SLC16A12: variants seen among roughly 807,000 people sequenced by gnomAD.
The protein encoded by SLC16A12 is monocarboxylate transporter 12.
In SLC16A12, 17 loss-of-function variants were observed where a neutral mutation model predicts 42.4. That is an observed-to-expected ratio of 0.40 (90% CI 0.27 to 0.60). The LOEUF is 0.60. Ranked by LOEUF, SLC16A12 falls within the 20% of genes least tolerant of loss-of-function variation. The pLI, the probability that SLC16A12 is intolerant of heterozygous loss-of-function variation, is 0.42. For synonymous variants in SLC16A12, 224 were observed against 229.4 expected, an observed-to-expected ratio of 0.98 and a Z score of 0.21; for missense variants, 544 against 623.0, an observed-to-expected ratio of 0.87 and a Z score of 1.35.
intron 6 of SLC16A12, among the ~76,000 whole-genome samples, chr10:89,438,287 G>A (rs1392580778): frequency 6.6e-6 from 1 of 152,188 alleles, no homozygotes; most frequent in Non-Finnish European, 1.5e-5. Flanking sequence ...ACATTTCAGT[G>A]TGCATAAAGT....
At chr10:89,462,654 T>C in intron 2 of SLC16A12, 30 bp from the exon 3 acceptor site, 1 of 1,514,244 alleles carries the variant, frequency 6.6e-7, no homozygotes, top group Non-Finnish European at 8.8e-7. Context: ...CATATTTATA[T>C]CTTATTGCTA....
chr10:89,521,353 A>G (rs1380593664), intron 2 of SLC16A12, among the ~76,000 whole-genome samples: 1 of 152,234 alleles, frequency 6.6e-6, no homozygotes, highest in Non-Finnish European at 1.5e-5. Context: ...TAGTACACAT[A>G]TTCTGTCACA....
intron 2 of SLC16A12, among the ~76,000 whole-genome samples, chr10:89,513,801 G>A (rs1249006924): frequency 6.6e-6 from 1 of 152,198 alleles, no homozygotes. Flanking sequence ...CCAGGAGTAT[G>A]TGGTTAAATG....
At chr10:89,501,761 A>T (rs1333317231) in intron 2 of SLC16A12, among the ~76,000 whole-genome samples, 1 of 152,120 alleles carries the variant, frequency 6.6e-6, no homozygotes, top group Non-Finnish European at 1.5e-5. Flanking sequence ...AAAAATAATA[A>T]TAATAATAAA....
At chr10:89,505,006 A>C (rs1843038174) in intron 2 of SLC16A12, among the ~76,000 whole-genome samples, 1 of 152,184 alleles carries the variant, frequency 6.6e-6, no homozygotes, top group African/African-American at 2.4e-5. Flanking sequence ...GGGGGTTGCC[A>C]TCAACCTCTG....
intron 2 of SLC16A12, among the ~76,000 whole-genome samples, chr10:89,496,805 G>A (rs1842927902): frequency 6.6e-6 from 1 of 152,034 alleles, no homozygotes; most frequent in Non-Finnish European, 1.5e-5. Flanking sequence ...TTCAAAAGAC[G>A]TTATTAAGAC....
At chr10:89,450,093 T>C (rs527488536) in intron 3 of SLC16A12, among the ~76,000 whole-genome samples, 2 of 152,278 alleles carry the variant, frequency 1.3e-5, no homozygotes, top group South Asian at 4.1e-4. Context: ...TGGCCATCAT[T>C]AAAAAGTCAG....
intron 2 of SLC16A12, among the ~76,000 whole-genome samples, chr10:89,496,210 GA>G (rs1186429224): frequency 1.3e-5 from 2 of 151,648 alleles, no homozygotes; most frequent in African/African-American, 4.8e-5. Flanking sequence ...GGACATGAAA[GA>G]AAAATTCAAA....
intron 2 of SLC16A12, among the ~76,000 whole-genome samples, chr10:89,493,384 G>A (rs898435238): frequency 7.2e-5 from 11 of 152,060 alleles, no homozygotes; most frequent in Admixed American, 4.6e-4. Flanking sequence ...CACTATGCCC[G>A]GCTAATTTTT....
chr10:89,524,098 G>A (rs1011408803), intron 2 of SLC16A12, among the ~76,000 whole-genome samples: 6 of 151,982 alleles, frequency 3.9e-5, no homozygotes, highest in South Asian at 4.1e-4. Flanking sequence ...TTTCTACCAC[G>A]CATTTCTACC....
intron 2 of SLC16A12, among the ~76,000 whole-genome samples, chr10:89,513,840 G>T (rs558985820): frequency 6.6e-6 from 1 of 152,144 alleles, no homozygotes; most frequent in South Asian, 2.1e-4. Context: ...TTTCTGGAAA[G>T]GTCCTATATT....
At chr10:89,515,953 G>A (rs971561421) in intron 2 of SLC16A12, among the ~76,000 whole-genome samples, 8 of 152,164 alleles carry the variant, frequency 5.3e-5, no homozygotes, top group African/African-American at 1.9e-4. Flanking sequence ...CATTTGGCAA[G>A]TTATATCATC....
In SLC16A12 at chr10:89,460,463, G is replaced by A. The variant is rs566181573; in HGVS notation, c.200+1916C>T. 2.0e-4 allele frequency among the ~76,000 whole-genome samples: 26 copies of A among 132,194 alleles called. 1 individual carries two copies. In the South Asian group the frequency reaches 4.3e-3, roughly 22 times the overall value. The allele number at this position is 132,194 out of a possible 152,430, so 86.7% of individuals were successfully genotyped here. ...ACTTTGGCAGGGCACAGTGGCTCAC[G>A]TCTGTAATCCCAGCACTTTGGAGGC... is the stretch of plus-strand genomic sequence containing the variant. On this transcript the variant is annotated intron_variant, in intron 3 of 7. Transcript: ENST00000371790.
rs867214366 is a variant in SLC16A12, at chr10:89,497,738, A to G, written c.-46-35114T>C. ...ATTAATAGGGGTAGAGATCAGAAAG[A>G]GGAAAAAAAAACCCAACATGATTTC... On this transcript the variant is annotated intron_variant, in intron 2 of 7. Coordinates refer to ENST00000371790, the MANE Select transcript of SLC16A12 (RefSeq NM_213606.4). Among the ~76,000 whole-genome samples the G allele has an allele frequency of 8.6e-5, 9 of 104,118 alleles. No homozygotes were observed. The East Asian group carries it at 1.6e-3, about 19-fold the overall frequency. 68.3% of individuals were successfully genotyped at this position (104,118 alleles called of 152,430 possible).
chr10:89,446,607 A>G (rs1284352880), intron 3 of SLC16A12, among the ~76,000 whole-genome samples: 1 of 152,208 alleles, frequency 6.6e-6, no homozygotes, highest in African/African-American at 2.4e-5. Flanking sequence ...TCCTGAAGGA[A>G]GCACTAAACG....
At chr10:89,510,413 G>T (rs1034376855) in intron 2 of SLC16A12, among the ~76,000 whole-genome samples, 1 of 152,104 alleles carries the variant, frequency 6.6e-6, no homozygotes, top group Non-Finnish European at 1.5e-5. Context: ...CGGAACAGAG[G>T]CCTCAGAAAT....
chr10:89,513,555 T>G (rs570845037), intron 2 of SLC16A12, among the ~76,000 whole-genome samples: 3 of 152,224 alleles, frequency 2.0e-5, no homozygotes, highest in Non-Finnish European at 2.9e-5. Context: ...TGTAATGAAT[T>G]AATAACAAAT....
At chr10:89,554,745 C>A (rs1319126390) in intron 2 of SLC16A12, among the ~76,000 whole-genome samples, 1 of 152,138 alleles carries the variant, frequency 6.6e-6, no homozygotes, top group Non-Finnish European at 1.5e-5. Context: ...ATGGGAGCAA[C>A]CTTTACATTG....
intron 2 of SLC16A12, among the ~76,000 whole-genome samples, chr10:89,522,410 C>G (rs1843371617): frequency 6.6e-6 from 1 of 152,176 alleles, no homozygotes; most frequent in African/African-American, 2.4e-5. Flanking sequence ...CAATTGCTCT[C>G]TTGCTAGAAG....
Sources: gnomAD v4.1 joint callset for allele counts (sites outside exome capture counted in the v4.1 genomes callset) on GRCh38, gnomAD v4.1.1 for gene constraint, MANE v1.5 for transcripts, NCBI Gene and HGNC (gene_info 2026-07-23, HGNC 2026-07-21) for gene names.